SEPHS1: variants seen among roughly 807,000 people sequenced by gnomAD.
SEPHS1 encodes selenophosphate synthetase 1, also known as zincore component SEPHS1.
In SEPHS1, 7 loss-of-function variants were observed where a neutral mutation model predicts 39.2. That is an observed-to-expected ratio of 0.18 (90% CI 0.10 to 0.34). SEPHS1 has a LOEUF of 0.34. Among genes scored for constraint, SEPHS1 ranks in the 10% least tolerant of loss-of-function variants. SEPHS1 has a pLI of 1.00. For missense variants in SEPHS1, 253 were observed against 514.5 expected, an observed-to-expected ratio of 0.49 and a Z score of 4.92; for synonymous variants, 190 against 195.5, an observed-to-expected ratio of 0.97 and a Z score of 0.23.
At chr10:13,336,404 A>C (rs770532029) in intron 3 of SEPHS1, 54 bp from the exon 4 acceptor site, 7 of 1,322,826 alleles carry the variant, frequency 5.3e-6, no homozygotes, top group Non-Finnish European at 6.5e-6. Context: ...CCATCTGCAG[A>C]AACTGAGTGA....
At chr10:13,331,333 C>A (rs551852539) in intron 5 of SEPHS1, among the ~76,000 whole-genome samples, 10 of 152,088 alleles carry the variant, frequency 6.6e-5, no homozygotes, top group Non-Finnish European at 1.5e-4. Flanking sequence ...GATTTATAAT[C>A]CTTTGGGTAT....
Position 13,319,154 on chromosome 10 carries a change from C to T in SEPHS1, c.1167G>A (p.Gly389=). The change falls in exon 9 of 9, where the codon GGG becomes GGA. Residue 389 remains glycine (G), a synonymous_variant. Coordinates refer to ENST00000327347, the MANE Select transcript of SEPHS1 (RefSeq NM_012247.5). ...ATTTCTGTCTAGATTAAGAGGTGGCCCCGGGTGTGGGATTCACATTTTGAG... is the reference window on the plus strand; with the variant it reads ...ATTTCTGTCTAGATTAAGAGGTGGCTCCGGGTGTGGGATTCACATTTTGAG... The part of the protein sequence containing the change: ...VATQNVNPTP[G]ATS 2 of 1,612,114 alleles carry T rather than the reference C, an allele frequency of 1.2e-6. No homozygotes were observed. The highest frequency in any genetic ancestry group is 1.7e-6 in the Non-Finnish European group (2 of 1,179,444).
rs757482094 is a variant in SEPHS1, at chr10:13,336,358, G to A, written c.298-8C>T. 6.2e-7 allele frequency: 1 copy of A among 1,604,826 alleles called. No homozygotes were observed. The highest frequency in any genetic ancestry group is 8.5e-7 in the Non-Finnish European group (1 of 1,171,678). Reference sequence around the variant, plus strand: ...GGCACACGCTATCCTGCCCTGGGAAGAGAGGGAAACATGAGAAAGGACGAC... The same window carrying A: ...GGCACACGCTATCCTGCCCTGGGAAAAGAGGGAAACATGAGAAAGGACGAC... On this transcript the variant is annotated splice_region_variant and splice_polypyrimidine_tract_variant and intron_variant, in intron 3 of 8. Transcript: ENST00000327347.
chr10:13,324,673 C>T (rs535916540), intron 7 of SEPHS1, among the ~76,000 whole-genome samples: 17 of 152,246 alleles, frequency 1.1e-4, no homozygotes, highest in Non-Finnish European at 2.1e-4. Flanking sequence ...TGAGGTGGTG[C>T]GATCACAGCT....
chr10:13,329,871 C>G (rs1803875312), intron 5 of SEPHS1, 83 bp from the exon 6 acceptor site: 6 of 1,171,152 alleles, frequency 5.1e-6, no homozygotes, highest in Non-Finnish European at 7.4e-6. Flanking sequence ...AAGGAATAAT[C>G]TGTCAAAAAT....
At position 13,344,747 on chromosome 10, in the gene SEPHS1, G is replaced by C. The variant is rs778222445; in HGVS notation, c.193+11C>G. On this transcript the variant is annotated intron_variant, in intron 2 of 8. Transcript: ENST00000327347. ...GATCGCAGACCATCAAAGAAACACT[G>C]GGTTACCTACCAAGCCTTGGCATAA... is the stretch of plus-strand genomic sequence containing the variant. The C allele has an allele frequency of 6.8e-7, 1 of 1,474,624 alleles. No homozygotes were observed. The highest frequency in any genetic ancestry group is 1.4e-5 in the African/African-American group (1 of 70,812). The allele number at this position is 1,474,624 out of a possible 1,614,324, so 91.3% of individuals were successfully genotyped here. A position where few individuals can be genotyped will look rare whatever the true frequency, so the allele number is the denominator to read the frequency against.
At chr10:13,322,727 T>C (rs1252582228) in intron 8 of SEPHS1, 108 bp downstream of exon 8, 5 of 1,023,552 alleles carry the variant, frequency 4.9e-6, no homozygotes, top group East Asian at 2.6e-5. Context: ...GTCAGCAGCA[T>C]GGAACTCGAA....
chr10:13,317,470 C>T lies in SEPHS1; in HGVS notation c.*1672G>A, dbSNP rs1474330828. Reference sequence around the variant, plus strand: ...TTCCAACACACTTTATTTTGCAGACCACTGGTTTGTAGCTTTTGAGGACCA... The same window carrying T: ...TTCCAACACACTTTATTTTGCAGACTACTGGTTTGTAGCTTTTGAGGACCA... On this transcript the variant is annotated 3_prime_UTR_variant, in exon 9 of 9. Transcript: ENST00000327347. 2 of 151,650 alleles carry T rather than the reference C, an allele frequency of 1.3e-5. No homozygotes were observed. Among genetic ancestry groups the T allele is most frequent in the Non-Finnish European group, 2.9e-5 (2 of 67,968 alleles). The allele number at this position is 151,650 out of a possible 1,614,324, so 9.4% of individuals were successfully genotyped here. A position where few individuals can be genotyped will look rare whatever the true frequency, so the allele number is the denominator to read the frequency against.
intron 8 of SEPHS1, among the ~76,000 whole-genome samples, chr10:13,322,264 C>G (rs1172783809): frequency 6.6e-6 from 1 of 151,820 alleles, no homozygotes; most frequent in East Asian, 1.9e-4. Context: ...GGCTCAGCCT[C>G]CCAAGCAGCT....
Position 13,319,146 on chromosome 10 carries a change from G to A in SEPHS1, c.1175C>T (p.Ser392Phe). Residue 392 changes from serine (S) to phenylalanine (F), a missense_variant, in exon 9 of 9, where the codon TCT becomes TTT. Ser to Phe is a radical substitution (Grantham distance 155). Transcript: ENST00000327347. ...QNVNPTPGAT[S>F] is the part of the protein sequence containing the mutation. ...AAACAGCTATTTCTGTCTAGATTAA[G>A]AGGTGGCCCCGGGTGTGGGATTCAC... 1 of 1,612,356 alleles carries A rather than the reference G, an allele frequency of 6.2e-7. No individual in the cohort carries two copies. The highest frequency in any genetic ancestry group is 1.1e-5 in the South Asian group (1 of 90,580).
At chr10:13,319,674 T>A (rs1564440274) in intron 8 of SEPHS1, among the ~76,000 whole-genome samples, 1 of 152,150 alleles carries the variant, frequency 6.6e-6, no homozygotes, top group Non-Finnish European at 1.5e-5. Flanking sequence ...GAGACAAGGT[T>A]TCACTGTGTT....
chr10:13,339,209 C>T (rs992386945), intron 2 of SEPHS1, among the ~76,000 whole-genome samples: 1 of 152,076 alleles, frequency 6.6e-6, no homozygotes, highest in East Asian at 1.9e-4. Flanking sequence ...AGTTATTGTG[C>T]GTACATCTTT....
At chr10:13,334,212 A>G (rs1329363077) in intron 4 of SEPHS1, among the ~76,000 whole-genome samples, 1 of 152,140 alleles carries the variant, frequency 6.6e-6, no homozygotes, top group Non-Finnish European at 1.5e-5. Context: ...AGTCTGGGCA[A>G]TGCAGACAGA....
rs769863062 is a variant in SEPHS1, at chr10:13,344,792, A to G, written c.159T>C (p.Asp53=). 2 of 1,563,966 alleles carry G rather than the reference A, an allele frequency of 1.3e-6. No individual in the cohort carries two copies. The highest frequency in any genetic ancestry group is 1.7e-6 in the Non-Finnish European group (2 of 1,150,962). ...GCATAACGGCTCCCAGAAACTGCTC[A>G]TCTTCTTGGAAGTGGTTCTCCTGTA... ...ESLQENHFQE[D]EQFLGAVMPR... Residue 53 remains aspartate (D), a synonymous_variant, in exon 2 of 9, where the codon GAT becomes GAC. Transcript: ENST00000327347.
chr10:13,329,203 G>A (rs1433354557), intron 6 of SEPHS1, among the ~76,000 whole-genome samples: 1 of 152,070 alleles, frequency 6.6e-6, no homozygotes, highest in Admixed American at 6.5e-5. Flanking sequence ...ATTATAGATA[G>A]ATTCATTCTG....
chr10:13,333,042 C>G (rs903604169), intron 5 of SEPHS1, among the ~76,000 whole-genome samples: 8 of 152,026 alleles, frequency 5.3e-5, no homozygotes, highest in Admixed American at 6.6e-5. Context: ...ACATCAACTC[C>G]GGTAATGGCT....
At chr10:13,324,763 A>G (rs564544012) in intron 7 of SEPHS1, among the ~76,000 whole-genome samples, 37 of 152,356 alleles carry the variant, frequency 2.4e-4, no homozygotes, top group African/African-American at 8.9e-4. Flanking sequence ...GGCGCAAGCC[A>G]CCATGCCCAG....
At chr10:13,340,979 G>A (rs546843957) in intron 2 of SEPHS1, among the ~76,000 whole-genome samples, 30 of 152,188 alleles carry the variant, frequency 2.0e-4, no homozygotes, top group South Asian at 4.1e-4. Context: ...TAATAATGTC[G>A]TATATATACA....
chr10:13,338,989 T>C (rs751676419), intron 2 of SEPHS1, 181 bp from the exon 3 acceptor site: 1 of 603,788 alleles, frequency 1.7e-6, no homozygotes, highest in Non-Finnish European at 3.0e-6. Context: ...ATATCCAGCT[T>C]AGGATGGAAA....
Sources: gnomAD v4.1 joint callset for allele counts (sites outside exome capture counted in the v4.1 genomes callset) on GRCh38, gnomAD v4.1.1 for gene constraint, MANE v1.5 for transcripts, NCBI Gene and HGNC (gene_info 2026-07-23, HGNC 2026-07-21) for gene names.